Variants in IFRD1 observed in about 807,000 individuals in gnomAD.
IFRD1 encodes interferon-related developmental regulator 1.
A neutral mutation model predicts 52.9 loss-of-function variants in IFRD1; 35 were observed. That is an observed-to-expected ratio of 0.66 (90% CI 0.51 to 0.88). The LOEUF (loss-of-function observed/expected upper bound fraction) is 0.88. Among genes scored for constraint, IFRD1 ranks in the 40% least tolerant of loss-of-function variants. The pLI, the probability that IFRD1 is intolerant of heterozygous loss-of-function variation, is 0.00. For missense variants in IFRD1, 517 were observed against 550.8 expected, an observed-to-expected ratio of 0.94 and a Z score of 0.61; for synonymous variants, 184 against 188.4, an observed-to-expected ratio of 0.98 and a Z score of 0.19.
At chr7:112,472,726 G>A (rs1235309279) in intron 10 of IFRD1, 40 bp from the exon 11 acceptor site, 5 of 1,213,970 alleles carry the variant, frequency 4.1e-6, no homozygotes, top group African/African-American at 1.5e-5. Context: ...GAGCTATAAT[G>A]TTTAATACTG....
At chr7:112,460,143 CTT>C (rs34454009) in intron 5 of IFRD1, among the ~76,000 whole-genome samples, 3 of 149,558 alleles carry the variant, frequency 2.0e-5, no homozygotes, top group African/African-American at 7.4e-5. Flanking sequence ...CATTTAAAGA[CTT>C]TTTTTTCCAT....
intron 5 of IFRD1, 107 bp from the exon 6 acceptor site, chr7:112,461,759 A>G (rs1795440649): frequency 1.6e-6 from 1 of 632,570 alleles, no homozygotes; most frequent in Non-Finnish European, 2.7e-6. Context: ...GACCTAATAT[A>G]TTATGCTGCT....
At position 112,457,283 on chromosome 7, in the gene IFRD1, TTTGTATCAGAAGAGGTGATGGTCATTCTC is replaced by T. The variant is rs1399985942; in HGVS notation, c.409+250_409+278del. On this transcript the variant is annotated intron_variant, in intron 4 of 11. Transcript: ENST00000403825. The stretch of plus-strand genomic sequence containing the variant: ...TTAGGGTAGATTGTCATCAACCTTT[TTTGTATCAGAAGAGGTGATGGTCATTCTC>T]TTGTTATACCAGAAAAGCTTGAAAG... The T allele has an allele frequency of 5.1e-6, 3 of 587,348 alleles. No homozygotes were observed. The East Asian group carries it at 8.3e-5, about 16-fold the overall frequency. 36.4% of individuals were successfully genotyped at this position (587,348 alleles called of 1,614,324 possible).
chr7:112,440,428 T>C (rs1794850359), intron 1 of IFRD1, among the ~76,000 whole-genome samples: 3 of 152,250 alleles, frequency 2.0e-5, no homozygotes, highest in African/African-American at 7.2e-5. Context: ...AACATAATTA[T>C]AATTTAAAGA....
At chr7:112,469,180 G>C (rs973083110) in intron 9 of IFRD1, among the ~76,000 whole-genome samples, 33 of 152,120 alleles carry the variant, frequency 2.2e-4, no homozygotes, top group Admixed American at 3.9e-4. Context: ...CATTCAACTT[G>C]ATGTGTGTGT....
rs1185751655 is a variant in IFRD1 at position 112,450,717 on chromosome 7, C to T, written c.29C>T (p.Pro10Leu). The part of the protein sequence containing the change: MPKNKKRNT[P>L]HRGSSAGGGG... Reference sequence around the variant, plus strand: ...CCGAAGAACAAGAAGCGGAACACTCCCCACCGCGGTAGCAGTGCTGGCGGC... The same window carrying T: ...CCGAAGAACAAGAAGCGGAACACTCTCCACCGCGGTAGCAGTGCTGGCGGC... Residue 10 changes from proline (P) to leucine (L), a missense_variant, in exon 1 of 12, where the codon CCC becomes CTC. By Grantham distance (98) the Pro-to-Leu change is moderately conservative. Transcript: ENST00000403825. 1 of 1,612,898 alleles carries T rather than the reference C, an allele frequency of 6.2e-7. No individual in the cohort carries two copies. The highest frequency in any genetic ancestry group is 1.7e-5 in the Admixed American group (1 of 60,016).
At chr7:112,451,057 G>C (rs1037478774) in intron 1 of IFRD1, 1 of 463,834 alleles carries the variant, frequency 2.2e-6, no homozygotes, top group Non-Finnish European at 3.9e-6. Flanking sequence ...GACAGGGGCT[G>C]ACCGGGAGCT....
At chr7:112,437,279 T>C (rs1228504959) in intron 1 of IFRD1, 1 of 154,770 alleles carries the variant, frequency 6.5e-6, no homozygotes, top group African/African-American at 2.4e-5. Flanking sequence ...GTCTCCTACT[T>C]TTCAGGCCAG....
intron 1 of IFRD1, 173 bp downstream of exon 1, chr7:112,450,955 C>T (rs535871549): frequency 1.8e-5 from 12 of 653,656 alleles, no homozygotes; most frequent in Admixed American, 9.6e-5. Flanking sequence ...CGCTGCTCCT[C>T]GCGCGATTTA....
At chr7:112,463,400 A>G (rs1795494420) in intron 8 of IFRD1, among the ~76,000 whole-genome samples, 1 of 152,210 alleles carries the variant, frequency 6.6e-6, no homozygotes, top group Non-Finnish European at 1.5e-5. Flanking sequence ...TGCCATGTAT[A>G]GTCATTCATA....
upstream of IFRD1, chr7:112,446,254 T>C (rs1795029243): frequency 5.2e-5 from 11 of 213,200 alleles, no homozygotes; most frequent in South Asian, 7.9e-4. Context: ...AGTACCACAT[T>C]CATCTGAAGA....
chr7:112,468,167 C>A, intron 9 of IFRD1, 52 bp downstream of exon 9: 1 of 1,571,876 alleles, frequency 6.4e-7, no homozygotes, highest in Non-Finnish European at 8.8e-7. Context: ...TGGATTGTTT[C>A]AGGCTGAACT....
At chr7:112,466,530 C>G (rs892472228) in intron 8 of IFRD1, among the ~76,000 whole-genome samples, 1 of 152,082 alleles carries the variant, frequency 6.6e-6, no homozygotes, top group Non-Finnish European at 1.5e-5. Context: ...CACTAGGTGC[C>G]GATAGCACCC....
intron 9 of IFRD1, among the ~76,000 whole-genome samples, chr7:112,470,415 C>A (rs1224926558): frequency 1.3e-5 from 2 of 152,152 alleles, no homozygotes; most frequent in Non-Finnish European, 2.9e-5. Context: ...AGGGAAAAGC[C>A]AGACTGAAGT....
In IFRD1 at chr7:112,472,839, T is replaced by C. The variant is rs754695378; in HGVS notation, c.1244T>C (p.Met415Thr). 1 of 1,612,130 alleles carries C rather than the reference T, an allele frequency of 6.2e-7. No individual in the cohort carries two copies. Among genetic ancestry groups the C allele is most frequent in the East Asian group, 2.2e-5 (1 of 44,872 alleles). The stretch of plus-strand genomic sequence containing the variant: ...CTTGATGCTGCAACGCTTAAAACGA[T>C]GAAGATTTCTCGTTTCGAAAGGGTA... Reference protein sequence around the residue: ...VMLDAATLKTMKISRFERHLY... With the variant: ...VMLDAATLKTTKISRFERHLY... The change falls in exon 11 of 12, where the codon ATG becomes ACG. Residue 415 changes from methionine (M) to threonine (T), a missense_variant. Met to Thr is a moderately conservative substitution (Grantham distance 81). Coordinates refer to ENST00000403825, the MANE Select transcript of IFRD1 (RefSeq NM_001550.4).
At chr7:112,460,751 A>G (rs1795414385) in intron 5 of IFRD1, among the ~76,000 whole-genome samples, 1 of 131,070 alleles carries the variant, frequency 7.6e-6, no homozygotes, top group African/African-American at 2.8e-5. Flanking sequence ...AATATCACAG[A>G]TATCCTCATA....
rs376548118 is a variant in IFRD1, at chr7:112,474,054, T to A, written c.1266+1193T>A. ...ATAATGCTTTGGAGGTTCATTCATGTTGTAGCATGAATTCAGAGAGCTTTA... is the reference window on the plus strand; with the variant it reads ...ATAATGCTTTGGAGGTTCATTCATGATGTAGCATGAATTCAGAGAGCTTTA... On this transcript the variant is annotated intron_variant, in intron 11 of 11. Coordinates refer to ENST00000403825, the MANE Select transcript of IFRD1 (RefSeq NM_001550.4). Among the ~76,000 whole-genome samples the A allele has an allele frequency of 3.5e-4, 53 of 152,356 alleles. No individual in the cohort carries two copies. In the South Asian group the frequency reaches 9.9e-3, roughly 29 times the overall value.
intron 5 of IFRD1, among the ~76,000 whole-genome samples, chr7:112,459,660 T>TCTAA (rs1455367220): frequency 6.6e-6 from 1 of 152,200 alleles, no homozygotes; most frequent in Admixed American, 6.5e-5. Context: ...TTAATCTTTG[T>TCTAA]CTAAGTAGCT....
rs546706887 is a variant in IFRD1 at position 112,430,269 on chromosome 7, TTC to T, written c.-182+6839_-182+6840del. 1.6e-4 allele frequency among the ~76,000 whole-genome samples: 24 copies of T among 152,308 alleles called. No homozygotes were observed. In the East Asian group the frequency reaches 4.6e-3, roughly 29 times the overall value. On this transcript the variant is annotated intron_variant, in intron 1 of 12. Transcript: ENST00000005558. ...TGCTGTTTTCTATATCATAATTCCC[TTC>T]TGTTATCCCAAGCCTCCTGATTGTT... is the stretch of plus-strand genomic sequence containing the variant.
Sources: gnomAD v4.1 joint callset for allele counts (sites outside exome capture counted in the v4.1 genomes callset) on GRCh38, gnomAD v4.1.1 for gene constraint, MANE v1.5 for transcripts, NCBI Gene and HGNC (gene_info 2026-07-23, HGNC 2026-07-21) for gene names.